The following CACNA1C variants were observed in gnomAD, a reference collection of about 807,000 sequenced individuals.
The protein encoded by CACNA1C is calcium voltage-gated channel subunit alpha1 C, also known as voltage-dependent L-type calcium channel subunit alpha-1C.
A neutral mutation model predicts 229.0 loss-of-function variants in CACNA1C; 30 were observed. That is an observed-to-expected ratio of 0.13 (90% confidence interval 0.10 to 0.18). CACNA1C has a LOEUF of 0.18. CACNA1C is among the 10% of genes least tolerant of loss of function. The pLI, the probability that CACNA1C is intolerant of heterozygous loss-of-function variation, is 1.00. For synonymous variants in CACNA1C, 1,114 were observed against 1,132.5 expected (o/e 0.98, Z 0.33); for missense variants, 1,658 against 2,845.0 (o/e 0.58, Z 9.49).
At chr12:2,306,596 C>T (rs931697224) in intron 3 of CACNA1C, among the ~76,000 whole-genome samples, 8 of 152,204 alleles carry the variant, frequency 5.3e-5, no homozygotes, top group Admixed American at 5.2e-4. Context: ...CAATCTTTCC[C>T]CAAACTCTGC....
intron 3 of CACNA1C, among the ~76,000 whole-genome samples, chr12:2,429,462 G>A (rs965976665): frequency 6.6e-6 from 1 of 152,170 alleles, no homozygotes; most frequent in Non-Finnish European, 1.5e-5. Context: ...GAAAAGCACT[G>A]GGGTTGGAGT....
chr12:2,449,977 G>T (rs1274163850), intron 4 of CACNA1C, among the ~76,000 whole-genome samples: 1 of 152,116 alleles, frequency 6.6e-6, no homozygotes, highest in African/African-American at 2.4e-5. Flanking sequence ...CAGAAAACCA[G>T]ACTGCTCAAG....
chr12:2,397,770 A>G (rs1165629639), intron 3 of CACNA1C, among the ~76,000 whole-genome samples: 2 of 152,278 alleles, frequency 1.3e-5, no homozygotes, highest in Non-Finnish European at 2.9e-5. Context: ...TTCCCAAGCC[A>G]TGAGCCTTCT....
intron 3 of CACNA1C, among the ~76,000 whole-genome samples, chr12:2,239,661 T>C (rs1205051633): frequency 6.6e-6 from 1 of 152,098 alleles, no homozygotes; most frequent in African/African-American, 2.4e-5. Flanking sequence ...CCCTGCCTGG[T>C]TTCCAATTTT....
rs2067862581 is a variant in CACNA1C, at chr12:2,595,777, G to T, written c.2664-97G>T. Reference sequence around the variant, plus strand: ...GGCCAACAAGCACCTGTTGCCAGCTGCTGGGGAGAGCTGAGGAGAGGGGCT... The same window carrying T: ...GGCCAACAAGCACCTGTTGCCAGCTTCTGGGGAGAGCTGAGGAGAGGGGCT... On this transcript the variant is annotated intron_variant, in intron 19 of 46. Coordinates refer to ENST00000399655, the MANE Select transcript of CACNA1C (RefSeq NM_000719.7). This position sits in a 1 kb window ranked among gnomAD's most constrained non-coding sequence, Gnocchi z 4.1. The T allele has an allele frequency of 4.2e-6, 5 of 1,189,846 alleles. No homozygotes were observed. The highest frequency in any genetic ancestry group is 1.5e-5 in the South Asian group (1 of 68,040). 73.7% of individuals were successfully genotyped at this position (1,189,846 alleles called of 1,614,324 possible). A position where few individuals can be genotyped will look rare whatever the true frequency, so the allele number is the denominator to read the frequency against.
At chr12:2,624,282 T>C (rs1417444725) in intron 29 of CACNA1C, among the ~76,000 whole-genome samples, 1 of 152,148 alleles carries the variant, frequency 6.6e-6, no homozygotes, top group Non-Finnish European at 1.5e-5. Context: ...GGACTGAGGA[T>C]GCTGAAAGTC....
rs1487603670 is a variant in CACNA1C at position 2,565,473 on chromosome 12, CAGAAAAAAAA to C, written c.1509-947_1509-938del. Among the ~76,000 whole-genome samples, 118 of 33,524 alleles carry C rather than the reference CAGAAAAAAAA, an allele frequency of 3.5e-3. 1 individual carries two copies. Among genetic ancestry groups the C allele is most frequent in the African/African-American group, 0.011 (115 of 10,382 alleles). 22.0% of individuals were successfully genotyped at this position (33,524 alleles called of 152,430 possible). On this transcript the variant is annotated intron_variant, in intron 11 of 46. Transcript: ENST00000399655. ...TGGGCGACAGAGCGAGACTCCGTCTCAGAAAAAAAAAAAAAAAAAAAAATACCCAACCCCT... is the reference window on the plus strand; with the variant it reads ...TGGGCGACAGAGCGAGACTCCGTCTCAAAAAAAAAAAAATACCCAACCCCT...
At chr12:2,415,364 A>G (rs970270561) in intron 3 of CACNA1C, among the ~76,000 whole-genome samples, 5 of 152,084 alleles carry the variant, frequency 3.3e-5, no homozygotes, top group Admixed American at 6.5e-5. Flanking sequence ...TGGCCGGTAC[A>G]CTGACTTCCA....
intron 3 of CACNA1C, among the ~76,000 whole-genome samples, chr12:2,189,139 C>T (rs1228612185): frequency 6.8e-6 from 1 of 146,932 alleles, no homozygotes; most frequent in Non-Finnish European, 1.5e-5. Flanking sequence ...CAACGTGAAG[C>T]ATCAAACAGC....
At chr12:2,364,594 G>C (rs2097672584) in intron 3 of CACNA1C, among the ~76,000 whole-genome samples, 1 of 152,228 alleles carries the variant, frequency 6.6e-6, no homozygotes, top group South Asian at 2.1e-4. Flanking sequence ...GCTAAAAGCA[G>C]AACGTTTAAA....
Position 2,408,942 on chromosome 12 carries a change from A to G in CACNA1C, c.478-40034A>G, listed in dbSNP as rs149650651. The stretch of plus-strand genomic sequence containing the variant: ...GAAGCCTATTGCCATCCTCCGTGAC[A>G]TCCCCTTCCTCAATATCTCTTTTGC... On this transcript the variant is annotated intron_variant, in intron 3 of 46. Transcript: ENST00000399655. Among the ~76,000 whole-genome samples the G allele has an allele frequency of 8.2e-3, 1,242 of 152,320 alleles. 27 individuals carry two copies. The highest frequency in any genetic ancestry group is 0.028 in the African/African-American group (1,166 of 41,566).
At chr12:2,455,974 T>C (rs1251232200) in intron 4 of CACNA1C, among the ~76,000 whole-genome samples, 1 of 152,182 alleles carries the variant, frequency 6.6e-6, no homozygotes, top group Non-Finnish European at 1.5e-5. Flanking sequence ...ATATGAACTA[T>C]ACAACTGCTG....
chr12:2,482,803 C>G (rs2099681585), intron 5 of CACNA1C, among the ~76,000 whole-genome samples: 1 of 152,194 alleles, frequency 6.6e-6, no homozygotes, highest in Non-Finnish European at 1.5e-5. Context: ...TTCCCGGACA[C>G]TTCGCAGTTG....
At chr12:2,659,676 C>T (rs1201876318) in intron 34 of CACNA1C, among the ~76,000 whole-genome samples, 1 of 151,340 alleles carries the variant, frequency 6.6e-6, no homozygotes, top group Non-Finnish European at 1.5e-5. Flanking sequence ...TAAAATAATC[C>T]CAGAATATGA....
At chr12:2,024,800 C>T (rs1469951645) in intron 1 of CACNA1C, among the ~76,000 whole-genome samples, 3 of 152,184 alleles carry the variant, frequency 2.0e-5, no homozygotes, top group Non-Finnish European at 2.9e-5. Context: ...CTGTAGGCCA[C>T]GAACTTATAT....
chr12:2,600,579 G>T (rs73241740), intron 21 of CACNA1C, among the ~76,000 whole-genome samples: 112 of 152,308 alleles, frequency 7.4e-4, no homozygotes, highest in African/African-American at 2.6e-3. Context: ...CCTTATCCTG[G>T]ATAACCACTG....
At position 2,691,070 on chromosome 12, in the gene CACNA1C, C is replaced by T. The variant is rs752758867; in HGVS notation, c.6288C>T (p.Pro2096=). The T allele has an allele frequency of 4.3e-6, 7 of 1,610,672 alleles. No homozygotes were observed. In the South Asian group the frequency reaches 4.4e-5, roughly 10 times the overall value. The change falls in exon 47 of 47, where the codon CCC becomes CCT. Residue 2096 remains proline (P), a synonymous_variant. Transcript: ENST00000399655. ...AGAGCCCCAATGGCGCCCTCTTACC[C>T]TTTGTGAACTGCAGGGACGCGGGGC... ...APQSPNGALL[P]FVNCRDAGQD...
intron 3 of CACNA1C, among the ~76,000 whole-genome samples, chr12:2,339,688 G>C (rs1471947414): frequency 6.6e-6 from 1 of 152,044 alleles, no homozygotes; most frequent in Non-Finnish European, 1.5e-5. Flanking sequence ...TAGTAACCTA[G>C]ACCTACGCAG....
intron 3 of CACNA1C, among the ~76,000 whole-genome samples, chr12:2,149,528 G>A (rs2095037812): frequency 6.6e-6 from 1 of 152,208 alleles, no homozygotes; most frequent in South Asian, 2.1e-4. Flanking sequence ...CTTTAGGAAT[G>A]CTCATAGCAG....
Sources: gnomAD v4.1 joint callset for allele counts (sites outside exome capture counted in the v4.1 genomes callset) on GRCh38, gnomAD v4.1.1 for gene constraint, Gnocchi (gnomAD v3.1) non-coding constraint, MANE v1.5 for transcripts, NCBI Gene and HGNC (gene_info 2026-07-23, HGNC 2026-07-21) for gene names.